KLF13: variants seen among roughly 807,000 people sequenced by gnomAD.
The protein encoded by KLF13 is KLF transcription factor 13.
A neutral mutation model predicts 16.7 loss-of-function variants in KLF13; 8 were observed. That is an observed-to-expected ratio of 0.48 (90% CI 0.28 to 0.87). KLF13 has a LOEUF of 0.87. KLF13 is among the 40% of genes least tolerant of loss of function. The pLI is 0.10. For missense variants in KLF13, 447 were observed against 452.2 expected (o/e 0.99, Z 0.10); for synonymous variants, 245 against 208.4 (o/e 1.18, Z -1.51).
chr15:31,338,895 T>G (rs1223642356), intron 1 of KLF13, among the ~76,000 whole-genome samples: 1 of 151,924 alleles, frequency 6.6e-6, no homozygotes, highest in Admixed American at 6.6e-5. Flanking sequence ...TTTCCAGCCC[T>G]TAGGACAAGC....
In KLF13 at chr15:31,358,821, A is replaced by G. The variant is rs72722834; in HGVS notation, c.578-13189A>G. Among the ~76,000 whole-genome samples, 457 of 152,328 alleles carry G rather than the reference A, an allele frequency of 3.0e-3. 1 individual carries two copies. The Middle Eastern group carries it at 0.034, about 11-fold the overall frequency. ...CACCAGCCATCAGGGCTGTGTTGGTACGCAAGCAGTCACATTGCCTCCCGA... is the reference window on the plus strand; with the variant it reads ...CACCAGCCATCAGGGCTGTGTTGGTGCGCAAGCAGTCACATTGCCTCCCGA... On this transcript the variant is annotated intron_variant, in intron 1 of 1. Transcript: ENST00000307145.
chr15:31,382,599 C>T (rs1001809054), downstream of KLF13, among the ~76,000 whole-genome samples: 4 of 152,186 alleles, frequency 2.6e-5, no homozygotes, highest in Non-Finnish European at 4.4e-5. Flanking sequence ...TTTCTGGGGC[C>T]TGAACACTGG....
rs1444015065 is a variant in KLF13 at position 31,374,533 on chromosome 15, C to T, written c.*2234C>T. On this transcript the variant is annotated 3_prime_UTR_variant, in exon 2 of 2. Transcript: ENST00000307145. ...GTGAGGTCCCTCCCAAAGTTGTTTTCGTGTGAGGCAGAGAAAGCCACACTC... is the reference window on the plus strand; with the variant it reads ...GTGAGGTCCCTCCCAAAGTTGTTTTTGTGTGAGGCAGAGAAAGCCACACTC... 1.3e-5 allele frequency: 2 copies of T among 152,546 alleles called. No homozygotes were observed. Among genetic ancestry groups the T allele is most frequent in the African/African-American group, 2.4e-5 (1 of 41,410 alleles). The allele number at this position is 152,546 out of a possible 1,614,324, so 9.4% of individuals were successfully genotyped here.
chr15:31,348,383 C>T (rs922613606), intron 1 of KLF13, among the ~76,000 whole-genome samples: 4 of 152,180 alleles, frequency 2.6e-5, no homozygotes, highest in Admixed American at 6.5e-5. Flanking sequence ...CACACACGCA[C>T]GCCGCACCAC....
intron 1 of KLF13, among the ~76,000 whole-genome samples, chr15:31,423,132 C>CATATATATACGTATAT (rs2040355868): frequency 2.0e-5 from 1 of 50,832 alleles, no homozygotes; most frequent in Admixed American, 1.9e-4. Flanking sequence ...CGTATATATA[C>CATATATATACGTATAT]GTATACGTAT....
intron 1 of KLF13, among the ~76,000 whole-genome samples, chr15:31,432,713 G>T (rs189860577): frequency 6.6e-6 from 1 of 152,050 alleles, no homozygotes; most frequent in Non-Finnish European, 1.5e-5. Flanking sequence ...ACTTCCCAAA[G>T]TGCTGGCATT....
intron 1 of KLF13, among the ~76,000 whole-genome samples, chr15:31,353,150 C>G (rs1041720072): frequency 6.6e-6 from 1 of 152,126 alleles, no homozygotes; most frequent in African/African-American, 2.4e-5. Flanking sequence ...ATTTCCTGGT[C>G]TGTCACTTAG....
intron 2 of KLF13, among the ~76,000 whole-genome samples, chr15:31,396,035 T>G (rs1311616580): frequency 6.6e-6 from 1 of 152,044 alleles, no homozygotes; most frequent in Non-Finnish European, 1.5e-5. Flanking sequence ...TCTTTCTTTC[T>G]TTTTTTTGAG....
intron 1 of KLF13, among the ~76,000 whole-genome samples, chr15:31,330,888 C>T (rs2038818900): frequency 6.6e-6 from 1 of 152,232 alleles, no homozygotes; most frequent in Non-Finnish European, 1.5e-5. Context: ...AGGGGAGCAG[C>T]AAGACCAGGA....
At chr15:31,416,104 C>A (rs1012924738) in intron 1 of KLF13, among the ~76,000 whole-genome samples, 14 of 152,038 alleles carry the variant, frequency 9.2e-5, no homozygotes, top group Non-Finnish European at 1.3e-4. Flanking sequence ...TAGAAAGATA[C>A]AAACTACCAA....
chr15:31,342,139 A>G (rs2039034570), intron 1 of KLF13, among the ~76,000 whole-genome samples: 1 of 152,140 alleles, frequency 6.6e-6, no homozygotes, highest in Non-Finnish European at 1.5e-5. Context: ...TCATCAGAAC[A>G]GTTCTGGACA....
At chr15:31,327,831 T>C in intron 1 of KLF13, 42 bp downstream of exon 1, 2 of 1,369,730 alleles carry the variant, frequency 1.5e-6, no homozygotes, top group Non-Finnish European at 1.9e-6. Flanking sequence ...GCGGACGGGG[T>C]CGGCGCGAGC....
intron 1 of KLF13, among the ~76,000 whole-genome samples, chr15:31,354,674 T>G (rs1490499052): frequency 2.0e-5 from 3 of 152,154 alleles, no homozygotes; most frequent in Non-Finnish European, 2.9e-5. Context: ...CGTGAGCCAC[T>G]GCACCTGGTC....
chr15:31,400,145 C>T (rs1162646434), intron 2 of KLF13, among the ~76,000 whole-genome samples: 2 of 152,238 alleles, frequency 1.3e-5, no homozygotes. Context: ...CTGTTCCACC[C>T]CCACTCTGCT....
chr15:31,426,698 T>C (rs1396074080), intron 1 of KLF13, among the ~76,000 whole-genome samples: 2 of 152,204 alleles, frequency 1.3e-5, no homozygotes, highest in East Asian at 3.8e-4. Flanking sequence ...TAATTTTATG[T>C]GTCACCTTGA....
intron 1 of KLF13, among the ~76,000 whole-genome samples, chr15:31,347,506 T>G (rs548296201): frequency 1.9e-4 from 29 of 152,108 alleles, no homozygotes; most frequent in Non-Finnish European, 3.7e-4. Flanking sequence ...CCACCTTGAC[T>G]GTGGTGATGA....
chr15:31,349,055 G>A (rs1297881921), intron 1 of KLF13, among the ~76,000 whole-genome samples: 1 of 152,188 alleles, frequency 6.6e-6, no homozygotes, highest in Non-Finnish European at 1.5e-5. Context: ...TAGGGCTTCA[G>A]GGTATGGGTT....
chr15:31,401,354 A>G (rs893178418), intron 2 of KLF13, among the ~76,000 whole-genome samples: 6 of 152,164 alleles, frequency 3.9e-5, no homozygotes, highest in African/African-American at 1.4e-4. Flanking sequence ...GTCCTTGCCC[A>G]CCTGCCCAGG....
At chr15:31,340,678 G>A (rs1025164855) in intron 1 of KLF13, among the ~76,000 whole-genome samples, 3 of 152,150 alleles carry the variant, frequency 2.0e-5, no homozygotes, top group African/African-American at 7.2e-5. Flanking sequence ...AGAATTGCTT[G>A]AGCCCAGAAG....
Sources: allele counts gnomAD v4.1 joint callset (sites outside exome capture counted in the v4.1 genomes callset), GRCh38; gene constraint gnomAD v4.1.1; transcripts MANE v1.5; gene names NCBI Gene and HGNC (gene_info 2026-07-23, HGNC 2026-07-21).